The following MME variants were observed in gnomAD, a reference collection of about 807,000 sequenced individuals.
The protein encoded by MME is neprilysin.
A neutral mutation model predicts 113.2 loss-of-function variants in MME; 98 were observed. The observed-to-expected ratio is 0.87, with a 90% CI of 0.74 to 1.02. The LOEUF (loss-of-function observed/expected upper bound fraction) is 1.02. Among genes scored for constraint, MME ranks in the 50% least tolerant of loss-of-function variants. MME has a pLI of 0.00. For missense variants in MME, 836 were observed against 896.0 expected, an observed-to-expected ratio of 0.93 and a Z score of 0.86; for synonymous variants, 292 against 300.6, an observed-to-expected ratio of 0.97 and a Z score of 0.30.
At chr3:155,141,158 A>G (rs929795102) in intron 10 of MME, among the ~76,000 whole-genome samples, 4 of 152,222 alleles carry the variant, frequency 2.6e-5, no homozygotes, top group Admixed American at 1.3e-4. Context: ...CTTTGGCACT[A>G]ATTCTAGTTA....
intron 1 of MME, among the ~76,000 whole-genome samples, chr3:155,027,814 C>T (rs1712837254): frequency 6.6e-6 from 1 of 152,164 alleles, no homozygotes; most frequent in African/African-American, 2.4e-5. Flanking sequence ...TAGTTTTATG[C>T]ATTTTAACCT....
chr3:155,164,143 CAAAA>C (rs34922274), intron 17 of MME, among the ~76,000 whole-genome samples: 2 of 90,110 alleles, frequency 2.2e-5, no homozygotes, highest in Non-Finnish European at 2.5e-5. Context: ...GACCCTGTTT[CAAAA>C]AAAAAAAAAA....
chr3:155,084,135 A>C, intron 1 of MME, 23 bp from the exon 2 acceptor site: 1 of 1,572,876 alleles, frequency 6.4e-7, no homozygotes, highest in African/African-American at 1.3e-5. Context: ...GTTTTTCATT[A>C]TTAGTATTTT....
Position 155,141,981 on chromosome 3 carries a change from T to C in MME, c.958-10T>C, listed in dbSNP as rs778436185. The C allele has an allele frequency of 6.2e-7, 1 of 1,613,202 alleles. No individual in the cohort carries two copies. Among genetic ancestry groups the C allele is most frequent in the Non-Finnish European group, 8.5e-7 (1 of 1,179,368 alleles). ...CAATTTCTGAATGTTTCATGCCTGCTTTTTTCCAGCCATTCAGCTGGTTGA... is the reference window on the plus strand; with the variant it reads ...CAATTTCTGAATGTTTCATGCCTGCCTTTTTCCAGCCATTCAGCTGGTTGA... On this transcript the variant is annotated splice_polypyrimidine_tract_variant and intron_variant, in intron 10 of 22. Coordinates refer to ENST00000360490, the MANE Select transcript of MME (RefSeq NM_007289.4).
At chr3:155,059,407 C>G (rs1357720146) in intron 1 of MME, among the ~76,000 whole-genome samples, 2 of 151,750 alleles carry the variant, frequency 1.3e-5, no homozygotes, top group Non-Finnish European at 2.9e-5. Context: ...TGTAAGTGTT[C>G]TAGAAATTTC....
chr3:155,155,780 C>A (rs1324410065), intron 16 of MME, among the ~76,000 whole-genome samples: 1 of 152,160 alleles, frequency 6.6e-6, no homozygotes, highest in Non-Finnish European at 1.5e-5. Context: ...ATGATCCACC[C>A]ACCCAAGTGT....
chr3:155,052,372 A>G (rs1713792695), intron 1 of MME, among the ~76,000 whole-genome samples: 1 of 152,216 alleles, frequency 6.6e-6, no homozygotes, highest in Admixed American at 6.5e-5. Context: ...CTGCCCTAGA[A>G]GAGGTTCTCC....
chr3:155,095,404 G>A (rs921925947), intron 3 of MME, among the ~76,000 whole-genome samples: 4 of 152,172 alleles, frequency 2.6e-5, no homozygotes, highest in Non-Finnish European at 4.4e-5. Context: ...TCTGCTTATC[G>A]TGGACAAGCT....
chr3:155,044,193 T>G (rs562734251), intron 1 of MME, among the ~76,000 whole-genome samples: 1 of 147,546 alleles, frequency 6.8e-6, no homozygotes, highest in East Asian at 2.0e-4. Context: ...AGTGCAGTTG[T>G]GCAATTTCAG....
At chr3:155,127,373 A>G (rs746843442) in intron 8 of MME, among the ~76,000 whole-genome samples, 5 of 152,210 alleles carry the variant, frequency 3.3e-5, no homozygotes, top group Non-Finnish European at 7.3e-5. Context: ...CCAGTGCCCT[A>G]TTCACATGTC....
chr3:155,103,276 T>TG (rs1717415702), intron 3 of MME, among the ~76,000 whole-genome samples: 1 of 152,244 alleles, frequency 6.6e-6, no homozygotes. Context: ...TTCCTTACCT[T>TG]GAAGTCACAA....
chr3:155,049,824 GTTATT>G (rs1166373869), intron 1 of MME, among the ~76,000 whole-genome samples: 6 of 152,006 alleles, frequency 3.9e-5, no homozygotes, highest in Admixed American at 6.6e-5. Flanking sequence ...ACCTTATTTT[GTTATT>G]TTCTTTTAAC....
intron 1 of MME, among the ~76,000 whole-genome samples, chr3:155,067,825 G>T (rs897064995): frequency 2.0e-5 from 3 of 152,150 alleles, no homozygotes; most frequent in African/African-American, 4.8e-5. Flanking sequence ...TGCTTATACA[G>T]TACTGGTGTG....
chr3:155,064,893 C>T (rs918728551), intron 1 of MME, among the ~76,000 whole-genome samples: 1 of 152,138 alleles, frequency 6.6e-6, no homozygotes, highest in African/African-American at 2.4e-5. Context: ...CTTTGGTGTC[C>T]TTTGGCTTGT....
chr3:155,172,054 C>T (rs1286640372), intron 20 of MME, 63 bp from the exon 21 acceptor site: 11 of 962,794 alleles, frequency 1.1e-5, no homozygotes, highest in Non-Finnish European at 1.8e-5. Context: ...TGATCTTTTA[C>T]ATAGGTTTAT....
chr3:155,113,450 T>A (rs1718350283), intron 3 of MME, among the ~76,000 whole-genome samples: 1 of 152,138 alleles, frequency 6.6e-6, no homozygotes, highest in African/African-American at 2.4e-5. Flanking sequence ...CAGCTAATTT[T>A]TGTATTTTTA....
At chr3:155,140,642 G>A (rs1033206147) in intron 10 of MME, among the ~76,000 whole-genome samples, 4 of 151,946 alleles carry the variant, frequency 2.6e-5, no homozygotes, top group Non-Finnish European at 4.4e-5. Flanking sequence ...CCCTGAGCTC[G>A]AGTGATCTGC....
intron 1 of MME, among the ~76,000 whole-genome samples, chr3:155,030,376 C>T (rs975230976): frequency 1.3e-5 from 2 of 152,006 alleles, no homozygotes; most frequent in African/African-American, 4.8e-5. Flanking sequence ...CCAATCTACA[C>T]TTAGGTGGTC....
intron 8 of MME, among the ~76,000 whole-genome samples, chr3:155,129,913 C>T (rs1466807537): frequency 6.6e-6 from 1 of 152,182 alleles, no homozygotes; most frequent in Non-Finnish European, 1.5e-5. Flanking sequence ...GAATGTTCTT[C>T]TATATTGATT....
Sources: gnomAD v4.1 joint callset for allele counts (sites outside exome capture counted in the v4.1 genomes callset) on GRCh38, gnomAD v4.1.1 for gene constraint, MANE v1.5 for transcripts, NCBI Gene and HGNC (gene_info 2026-07-23, HGNC 2026-07-21) for gene names.